Variants in MLIP observed in about 807,000 individuals in gnomAD.
MLIP encodes muscular LMNA interacting protein.
MLIP carries 79 observed loss-of-function variants against 84.8 expected under a neutral mutation model. The observed-to-expected ratio is 0.93, with a 90% confidence interval of 0.78 to 1.12. The LOEUF is 1.12. Ranked by LOEUF, MLIP falls within the 50% of genes most tolerant of loss-of-function variation. The pLI is 0.00. For synonymous variants in MLIP, 504 were observed against 463.0 expected (o/e 1.09, Z -1.14); for missense variants, 1,257 against 1,160.6 (o/e 1.08, Z -1.21).
At chr6:54,022,879 T>G (rs1244569132) in intron 1 of MLIP, among the ~76,000 whole-genome samples, 2 of 152,044 alleles carry the variant, frequency 1.3e-5, no homozygotes, top group Non-Finnish European at 2.9e-5. Context: ...ACAAAAATAA[T>G]GATAATGGCC....
chr6:54,128,535 A>G (rs1771116039), intron 3 of MLIP, among the ~76,000 whole-genome samples: 2 of 152,172 alleles, frequency 1.3e-5, no homozygotes, highest in South Asian at 4.1e-4. Context: ...ATATAAAACA[A>G]GGTAAAATAA....
Position 54,230,774 on chromosome 6 carries a change from C to T in MLIP, c.2779C>T (p.Pro927Ser). ...TCCTTTATATCAGACTAAACTCTAT[C>T]CTCCTGCTAAGTCACTGCTGCATCC... ...LHPLYQTKLY[P>S]PAKSLLHPQT... The change falls in exon 12 of 14, where the codon CCT becomes TCT. Residue 927 changes from proline (P) to serine (S), a missense_variant. Physicochemically the swap from Pro to Ser is moderately conservative, Grantham distance 74. Transcript: ENST00000502396. 6.2e-7 allele frequency: 1 copy of T among 1,614,116 alleles called. No individual in the cohort carries two copies. The highest frequency in any genetic ancestry group is 8.5e-7 in the Non-Finnish European group (1 of 1,179,992).
intron 1 of MLIP, among the ~76,000 whole-genome samples, chr6:54,086,141 A>T (rs529531433): frequency 6.6e-6 from 1 of 152,266 alleles, no homozygotes; most frequent in East Asian, 1.9e-4. Flanking sequence ...ATGTGTGTTC[A>T]TTGGTTCTTT....
intron 4 of MLIP, among the ~76,000 whole-genome samples, chr6:54,143,602 C>T (rs529286412): frequency 1.3e-5 from 2 of 152,144 alleles, no homozygotes; most frequent in Non-Finnish European, 2.9e-5. Flanking sequence ...GCAAATGTTA[C>T]AGGTTTACGT....
At chr6:54,105,578 C>A (rs1372943953) in intron 1 of MLIP, among the ~76,000 whole-genome samples, 1 of 151,962 alleles carries the variant, frequency 6.6e-6, no homozygotes, top group Non-Finnish European at 1.5e-5. Flanking sequence ...GATTAAAATC[C>A]AATGAAGGAA....
At chr6:54,244,935 T>C (rs1002410110) in intron 12 of MLIP, among the ~76,000 whole-genome samples, 3 of 152,140 alleles carry the variant, frequency 2.0e-5, no homozygotes, top group Non-Finnish European at 4.4e-5. Flanking sequence ...TGGAAAGAGA[T>C]GTATGGCTGC....
intron 1 of MLIP, among the ~76,000 whole-genome samples, chr6:54,091,066 T>C (rs892766075): frequency 1.4e-4 from 21 of 152,120 alleles, no homozygotes; most frequent in African/African-American, 4.6e-4. Flanking sequence ...GTCCCTTGCC[T>C]CTACTCACTA....
chr6:54,231,466 T>C (rs891136628), intron 12 of MLIP, among the ~76,000 whole-genome samples: 11 of 80,788 alleles, frequency 1.4e-4, no homozygotes, highest in African/African-American at 3.0e-4. Context: ...AGTGTGTGTG[T>C]GCGTGTGTGT....
intron 5 of MLIP, among the ~76,000 whole-genome samples, chr6:54,158,856 T>C (rs1774318580): frequency 7.2e-6 from 1 of 138,066 alleles, no homozygotes; most frequent in Non-Finnish European, 1.6e-5. Flanking sequence ...ACACTCTCAG[T>C]TGCAAGAAGT....
intron 4 of MLIP, among the ~76,000 whole-genome samples, chr6:54,147,496 C>A (rs559386539): frequency 1.3e-5 from 2 of 152,058 alleles, no homozygotes; most frequent in African/African-American, 4.8e-5. Context: ...TAGCAATTGC[C>A]GCTCATGTAG....
At chr6:54,062,930 C>A (rs1253045162) in intron 1 of MLIP, among the ~76,000 whole-genome samples, 1 of 152,094 alleles carries the variant, frequency 6.6e-6, no homozygotes, top group Non-Finnish European at 1.5e-5. Flanking sequence ...GGGCTGCATG[C>A]AATGGCTCAT....
chr6:54,101,152 G>C (rs1768614083), intron 1 of MLIP, among the ~76,000 whole-genome samples: 1 of 152,178 alleles, frequency 6.6e-6, no homozygotes, highest in East Asian at 1.9e-4. Context: ...GAGTCACAGG[G>C]TTTGTAAAAA....
chr6:54,182,472 G>T lies in MLIP; in HGVS notation c.2545-7398G>T, dbSNP rs551027646. 5.3e-5 allele frequency among the ~76,000 whole-genome samples: 8 copies of T among 152,254 alleles called. No homozygotes were observed. In the East Asian group the frequency reaches 1.5e-3, roughly 29 times the overall value. On this transcript the variant is annotated intron_variant, in intron 9 of 13. Coordinates refer to ENST00000502396, the MANE Select transcript of MLIP (RefSeq NM_001281747.2). ...TTTCAGCAATATGAAGTTAAAACTA[G>T]GTACTATGATTGCTCACCTAATTTG... is the stretch of plus-strand genomic sequence containing the variant.
intron 1 of MLIP, among the ~76,000 whole-genome samples, chr6:54,027,121 G>A (rs1763850163): frequency 6.6e-6 from 1 of 152,008 alleles, no homozygotes; most frequent in Non-Finnish European, 1.5e-5. Context: ...GTTATTAGAT[G>A]AAACCTTCCT....
chr6:54,237,199 C>T (rs944847002), intron 12 of MLIP, among the ~76,000 whole-genome samples: 24 of 151,664 alleles, frequency 1.6e-4, no homozygotes, highest in Admixed American at 4.6e-4. Flanking sequence ...AAGCAGATGA[C>T]CACTGTGGGG....
At chr6:54,133,779 T>TTTCATCTTCTGTTACTGAGA (rs1356259198) in intron 3 of MLIP, among the ~76,000 whole-genome samples, 1 of 152,192 alleles carries the variant, frequency 6.6e-6, no homozygotes. Context: ...TAGGAGCACA[T>TTTCATCTTCTGTTACTGAGA]TTCATCTTCT....
intron 10 of MLIP, among the ~76,000 whole-genome samples, chr6:54,193,349 T>A (rs1778078087): frequency 6.6e-6 from 1 of 152,070 alleles, no homozygotes; most frequent in Non-Finnish European, 1.5e-5. Context: ...AAATGTGGAG[T>A]TGTCAGTATA....
At chr6:54,044,626 C>A (rs955248644) in intron 1 of MLIP, among the ~76,000 whole-genome samples, 1 of 150,240 alleles carries the variant, frequency 6.7e-6, no homozygotes, top group Non-Finnish European at 1.5e-5. Context: ...CTATTCCAGC[C>A]GTGGTAGACG....
At chr6:54,156,415 T>G (rs1288289333) in intron 5 of MLIP, among the ~76,000 whole-genome samples, 1 of 152,084 alleles carries the variant, frequency 6.6e-6, no homozygotes, top group East Asian at 1.9e-4. Context: ...TCTGAGTGAA[T>G]TTCAATATCA....
Sources: gnomAD v4.1 joint callset for allele counts (sites outside exome capture counted in the v4.1 genomes callset) on GRCh38, gnomAD v4.1.1 for gene constraint, MANE v1.5 for transcripts, NCBI Gene and HGNC (gene_info 2026-07-23, HGNC 2026-07-21) for gene names.